The following ZFHX4 variants were observed in gnomAD, a reference collection of about 807,000 sequenced individuals.
The protein encoded by ZFHX4 is zinc finger homeobox protein 4.
Under a neutral mutation model 267.6 loss-of-function variants are expected in ZFHX4, and 56 were observed. That is an observed-to-expected ratio of 0.21 (90% CI 0.17 to 0.26). ZFHX4 has a LOEUF of 0.26. Among genes scored for constraint, ZFHX4 ranks in the 10% least tolerant of loss-of-function variants. ZFHX4 has a pLI of 1.00. For synonymous variants in ZFHX4, 1,778 were observed against 1,665.6 expected, an observed-to-expected ratio of 1.07 and a Z score of -1.64; for missense variants, 4,332 against 4,420.0, an observed-to-expected ratio of 0.98 and a Z score of 0.56.
intron 2 of ZFHX4, 28 bp downstream of exon 2, chr8:76,706,706 T>C (rs1808286063): frequency 6.6e-7 from 1 of 1,506,742 alleles, no homozygotes; most frequent in Non-Finnish European, 8.8e-7. Flanking sequence ...TTCTGCACTG[T>C]TGTTAGTTTC....
At position 76,681,278 on chromosome 8, in the gene ZFHX4, C is replaced by G; in HGVS notation, c.-389C>G. On this transcript the variant is annotated 5_prime_UTR_variant, in exon 1 of 11. Coordinates refer to ENST00000651372, the MANE Select transcript of ZFHX4 (RefSeq NM_024721.5). Reference sequence around the variant, plus strand: ...AGACATGCGCACTCAACTTAATCAGCCATTTTTTTAAACAGGGCTAAAACG... The same window carrying G: ...AGACATGCGCACTCAACTTAATCAGGCATTTTTTTAAACAGGGCTAAAACG... The G allele has an allele frequency of 5.0e-6, 2 of 397,914 alleles. No homozygotes were observed. Among genetic ancestry groups the G allele is most frequent in the East Asian group, 7.1e-5 (2 of 28,014 alleles). 24.6% of individuals were successfully genotyped at this position (397,914 alleles called of 1,614,324 possible). A position where few individuals can be genotyped will look rare whatever the true frequency, so the allele number is the denominator to read the frequency against.
At chr8:76,732,043 T>C (rs11786040) in intron 3 of ZFHX4, among the ~76,000 whole-genome samples, 5,748 of 152,074 alleles carry the variant, frequency 0.038, 140 homozygotes, top group Middle Eastern at 0.11. Context: ...GATTTCACCA[T>C]GTTGGCCAGG....
intron 4 of ZFHX4, among the ~76,000 whole-genome samples, chr8:76,805,808 A>G (rs1247543812): frequency 6.6e-6 from 1 of 152,054 alleles, no homozygotes; most frequent in Non-Finnish European, 1.5e-5. Context: ...GATTTGGGTA[A>G]AGTGATATGA....
At chr8:76,700,773 G>A (rs1419733879) in intron 1 of ZFHX4, among the ~76,000 whole-genome samples, 1 of 152,146 alleles carries the variant, frequency 6.6e-6, no homozygotes, top group Non-Finnish European at 1.5e-5. Flanking sequence ...TCTGAATTTA[G>A]CATTAAAACT....
At position 76,717,084 on chromosome 8, in the gene ZFHX4, GAAC is replaced by G. The variant is rs142704448; in HGVS notation, c.3093+9037_3093+9039del. Among the ~76,000 whole-genome samples, 68 of 152,244 alleles carry G rather than the reference GAAC, an allele frequency of 4.5e-4. No individual in the cohort carries two copies. The East Asian group carries it at 0.013, about 29-fold the overall frequency. On this transcript the variant is annotated intron_variant, in intron 3 of 10. Coordinates refer to ENST00000651372, the MANE Select transcript of ZFHX4 (RefSeq NM_024721.5). The stretch of plus-strand genomic sequence containing the variant: ...TGAAGCACAATCTACTCACTGCCTA[GAAC>G]CTGAGTCTCTTTCTCCTTCTCCTGG...
Position 76,849,007 on chromosome 8 carries a change from C to G in ZFHX4, c.3524C>G (p.Pro1175Arg). The G allele has an allele frequency of 6.5e-7, 1 of 1,543,490 alleles. No homozygotes were observed. The highest frequency in any genetic ancestry group is 8.7e-7 in the Non-Finnish European group (1 of 1,145,322). The change falls in exon 7 of 11, where the codon CCA becomes CGA. Residue 1175 changes from proline (P) to arginine (R), a missense_variant. Transcript: ENST00000651372. ...TTTTGGGAATCAGGGATAATCACAC[C>G]AGAGAAGGAACTAAAAGTTAGTGTG... Reference protein sequence around the residue: ...NSNKDSGIITPEKELKVSVAG... With the variant: ...NSNKDSGIITREKELKVSVAG...
At chr8:76,817,622 A>G (rs140901478) in intron 4 of ZFHX4, among the ~76,000 whole-genome samples, 2 of 152,362 alleles carry the variant, frequency 1.3e-5, no homozygotes, top group Non-Finnish European at 2.9e-5. Context: ...AGTAACAAGA[A>G]GGGACTAGGA....
intron 3 of ZFHX4, among the ~76,000 whole-genome samples, chr8:76,713,616 G>A (rs2131625539): frequency 6.6e-6 from 1 of 152,210 alleles, no homozygotes; most frequent in East Asian, 1.9e-4. Context: ...TCTCTTCATG[G>A]AAATATCCCA....
At chr8:76,744,419 A>AT (rs201787537) in intron 3 of ZFHX4, among the ~76,000 whole-genome samples, 3,638 of 151,888 alleles carry the variant, frequency 0.024, 76 homozygotes, top group Non-Finnish European at 0.038. Flanking sequence ...CTTTTTTCTT[A>AT]TTTTTTTATT....
At chr8:76,746,963 G>T (rs934498208) in intron 3 of ZFHX4, among the ~76,000 whole-genome samples, 1 of 152,042 alleles carries the variant, frequency 6.6e-6, no homozygotes, top group Non-Finnish European at 1.5e-5. Context: ...TGTTTTCACC[G>T]AATTCTGACA....
intron 3 of ZFHX4, among the ~76,000 whole-genome samples, chr8:76,725,486 TA>T (rs1808827964): frequency 1.3e-5 from 2 of 152,082 alleles, no homozygotes; most frequent in Non-Finnish European, 2.9e-5. Flanking sequence ...ACAAGAGACA[TA>T]AACGAATCAA....
intron 4 of ZFHX4, among the ~76,000 whole-genome samples, chr8:76,780,155 C>T (rs1810511241): frequency 6.6e-6 from 1 of 151,984 alleles, no homozygotes. Context: ...AAAATCTTAC[C>T]AGCCAACCTT....
Position 76,706,646 on chromosome 8 carries a change from C to T in ZFHX4, c.2558C>T (p.Pro853Leu). 1 of 1,596,832 alleles carries T rather than the reference C, an allele frequency of 6.3e-7. No homozygotes were observed. Among genetic ancestry groups the T allele is most frequent in the Non-Finnish European group, 8.5e-7 (1 of 1,173,366 alleles). The change falls in exon 2 of 11, where the codon CCA becomes CTA. Residue 853 changes from proline to leucine, a missense_variant. Around this residue, in one of 7 missense-constraint regions of ZFHX4, gnomAD observed 1,195 missense variants for 1,173.6 expected, o/e 1.02. Coordinates refer to ENST00000651372, the MANE Select transcript of ZFHX4 (RefSeq NM_024721.5). The stretch of plus-strand genomic sequence containing the variant: ...ATGATCAATCCATTCCAGCTGGATC[C>T]AGCGACAGCAGCGGCTTTGGCACCA... ...QLMINPFQLD[P>L]ATAAALAPGL...
chr8:76,787,882 AATG>A (rs1051060747), intron 4 of ZFHX4, among the ~76,000 whole-genome samples: 2 of 151,964 alleles, frequency 1.3e-5, no homozygotes, highest in African/African-American at 4.8e-5. Flanking sequence ...AATGATTAAT[AATG>A]ATGATGATGA....
intron 4 of ZFHX4, among the ~76,000 whole-genome samples, chr8:76,822,526 A>C (rs1268082214): frequency 7.1e-6 from 1 of 140,636 alleles, no homozygotes; most frequent in African/African-American, 2.7e-5. Flanking sequence ...GCAGCCTCAA[A>C]CTCCTGGGCT....
chr8:76,703,399 G>A (rs1245887513), intron 1 of ZFHX4, among the ~76,000 whole-genome samples: 8 of 152,172 alleles, frequency 5.3e-5, no homozygotes, highest in African/African-American at 1.9e-4. Flanking sequence ...AGTGTGGGGA[G>A]GAATTGTGAT....
At position 76,743,393 on chromosome 8, in the gene ZFHX4, T is replaced by A. The variant is rs141486405; in HGVS notation, c.3094-34815T>A. Among the ~76,000 whole-genome samples, 249 of 152,346 alleles carry A rather than the reference T, an allele frequency of 1.6e-3. 1 individual carries two copies. The highest frequency in any genetic ancestry group is 5.8e-3 in the African/African-American group (241 of 41,586). ...ATCTGAGCTCTGCTCTGTTACAGGT[T>A]TCTGCTGAGACAATTCTGCTTTGCA... On this transcript the variant is annotated intron_variant, in intron 3 of 10. Coordinates refer to ENST00000651372, the MANE Select transcript of ZFHX4 (RefSeq NM_024721.5).
intron 4 of ZFHX4, among the ~76,000 whole-genome samples, chr8:76,813,373 A>G (rs935226519): frequency 1.3e-5 from 2 of 152,178 alleles, no homozygotes; most frequent in Admixed American, 6.5e-5. Context: ...AAAGTTAGTG[A>G]GCCAAAAATA....
At chr8:76,724,925 G>A (rs570150993) in intron 3 of ZFHX4, among the ~76,000 whole-genome samples, 1 of 152,108 alleles carries the variant, frequency 6.6e-6, no homozygotes, top group Non-Finnish European at 1.5e-5. Context: ...TCTGAGGTTT[G>A]TTTTGGGAGT....
Sources: allele counts gnomAD v4.1 joint callset (sites outside exome capture counted in the v4.1 genomes callset), GRCh38; gene constraint gnomAD v4.1.1; regional missense constraint gnomAD v4.1.1; transcripts MANE v1.5; gene names NCBI Gene and HGNC (gene_info 2026-07-23, HGNC 2026-07-21).